The following PIK3AP1 variants were observed in gnomAD, a reference collection of about 807,000 sequenced individuals.
PIK3AP1 encodes the protein phosphoinositide-3-kinase adaptor protein 1, also known as phosphoinositide 3-kinase adapter protein 1.
A neutral mutation model predicts 88.1 loss-of-function variants in PIK3AP1; 21 were observed. The observed-to-expected ratio is 0.24, with a 90% CI of 0.17 to 0.34. PIK3AP1 has a LOEUF of 0.34. Among genes scored for constraint, PIK3AP1 ranks in the 10% least tolerant of loss-of-function variants. PIK3AP1 has a pLI of 1.00. For synonymous variants in PIK3AP1, 398 were observed against 400.0 expected (o/e 1.00, Z 0.06); for missense variants, 828 against 1,035.7 (o/e 0.80, Z 2.75).
intron 12 of PIK3AP1, chr10:96,619,581 T>C (rs1023749579): frequency 6.6e-6 from 1 of 152,256 alleles, no homozygotes; most frequent in Non-Finnish European, 1.5e-5. Context: ...TCCTTTTTAA[T>C]ACAAAGGCAT....
At chr10:96,718,698 A>G (rs1844534324) in intron 1 of PIK3AP1, among the ~76,000 whole-genome samples, 1 of 152,154 alleles carries the variant, frequency 6.6e-6, no homozygotes, top group Non-Finnish European at 1.5e-5. Context: ...AGGACGCTGG[A>G]AAAGAGGAAA....
At chr10:96,715,734 CA>C (rs376016766) in intron 1 of PIK3AP1, among the ~76,000 whole-genome samples, 2,749 of 151,842 alleles carry the variant, frequency 0.018, 70 homozygotes, top group African/African-American at 0.062. Context: ...ACTAAAAATA[CA>C]AAAAATTAGC....
Position 96,602,308 on chromosome 10 carries a change from T to TG in PIK3AP1, c.2331dup (p.Arg778GlnfsTer60). 1.2e-6 allele frequency: 2 copies of TG among 1,607,476 alleles called. No homozygotes were observed. Among genetic ancestry groups the TG allele is most frequent in the Non-Finnish European group, 1.7e-6 (2 of 1,177,698 alleles). On this transcript the variant is annotated frameshift_variant, in exon 16 of 17. Coordinates refer to ENST00000339364, the MANE Select transcript of PIK3AP1 (RefSeq NM_152309.3). LOFTEE classifies it high-confidence loss of function. ...TGTGAGGCAGCTCTCGGAGGCACCC[T>TG]GGGGGGTCTCTCGAGGGACATGGTG...
chr10:96,709,453 G>T, intron 2 of PIK3AP1, 114 bp downstream of exon 2: 2 of 1,296,532 alleles, frequency 1.5e-6, no homozygotes, highest in Non-Finnish European at 2.1e-6. Flanking sequence ...CCATAAATAT[G>T]ACCAGGTCTC....
intron 1 of PIK3AP1, among the ~76,000 whole-genome samples, chr10:96,719,516 T>C (rs1844544465): frequency 6.6e-6 from 1 of 152,208 alleles, no homozygotes; most frequent in South Asian, 2.1e-4. Flanking sequence ...TGCTTTCCTC[T>C]ACAGGACCAT....
intron 2 of PIK3AP1, among the ~76,000 whole-genome samples, chr10:96,657,637 C>G (rs1284862823): frequency 6.7e-6 from 1 of 149,894 alleles, no homozygotes; most frequent in Admixed American, 6.7e-5. Flanking sequence ...ATAGACCTAC[C>G]TCTGAGGTTG....
chr10:96,716,062 C>CT (rs1471945961), intron 1 of PIK3AP1, among the ~76,000 whole-genome samples: 1 of 152,152 alleles, frequency 6.6e-6, no homozygotes, highest in East Asian at 1.9e-4. Context: ...AGGCGGATCA[C>CT]TTGACGCCAG....
intron 6 of PIK3AP1, among the ~76,000 whole-genome samples, chr10:96,650,488 T>C (rs748036165): frequency 6.6e-6 from 1 of 152,136 alleles, no homozygotes; most frequent in Non-Finnish European, 1.5e-5. Context: ...AAACAACTAC[T>C]TGTTTAGAGC....
chr10:96,678,420 G>A (rs1843955084), intron 2 of PIK3AP1, among the ~76,000 whole-genome samples: 1 of 151,814 alleles, frequency 6.6e-6, no homozygotes, highest in Non-Finnish European at 1.5e-5. Context: ...GGGTGACAGA[G>A]TGAGATCCTG....
intron 7 of PIK3AP1, among the ~76,000 whole-genome samples, chr10:96,647,092 G>C (rs1399173820): frequency 1.3e-5 from 2 of 152,256 alleles, no homozygotes; most frequent in African/African-American, 4.8e-5. Context: ...CAAAGGGACA[G>C]TCTTTTGGTC....
chr10:96,661,865 G>T (rs550424410), intron 2 of PIK3AP1, among the ~76,000 whole-genome samples: 1 of 152,130 alleles, frequency 6.6e-6, no homozygotes, highest in East Asian at 1.9e-4. Context: ...AAAGGAAAGG[G>T]AAAGGAGAGG....
At chr10:96,607,736 T>C (rs964908670) in intron 14 of PIK3AP1, among the ~76,000 whole-genome samples, 1 of 152,130 alleles carries the variant, frequency 6.6e-6, no homozygotes, top group Non-Finnish European at 1.5e-5. Flanking sequence ...CCCCGGAGGA[T>C]GAGAGGTTTC....
At chr10:96,660,156 T>C (rs965284562) in intron 2 of PIK3AP1, among the ~76,000 whole-genome samples, 1 of 152,064 alleles carries the variant, frequency 6.6e-6, no homozygotes, top group Non-Finnish European at 1.5e-5. Context: ...GCGAAAGACA[T>C]TGTCAAAAGA....
intron 2 of PIK3AP1, among the ~76,000 whole-genome samples, chr10:96,707,021 C>G (rs1417513245): frequency 6.6e-6 from 1 of 152,212 alleles, no homozygotes; most frequent in Non-Finnish European, 1.5e-5. Context: ...GCAAAGATAT[C>G]CCACTAAGCA....
rs1371535129 is a variant in PIK3AP1, at chr10:96,598,742, T to C, written c.2361-3108A>G. ...GGAGGGCTTCACAGAGGAGGTGATGTTTGAACTGAGTCCTAAAGGATGTAT... is the reference window on the plus strand; with the variant it reads ...GGAGGGCTTCACAGAGGAGGTGATGCTTGAACTGAGTCCTAAAGGATGTAT... On this transcript the variant is annotated intron_variant, in intron 16 of 16. Coordinates refer to ENST00000339364, the MANE Select transcript of PIK3AP1 (RefSeq NM_152309.3). Among the ~76,000 whole-genome samples, 3 of 152,118 alleles carry C rather than the reference T, an allele frequency of 2.0e-5. No individual in the cohort carries two copies. The East Asian group carries it at 5.8e-4, about 29-fold the overall frequency.
chr10:96,652,739 G>C lies in PIK3AP1; in HGVS notation c.671C>G (p.Ala224Gly). The C allele has an allele frequency of 6.2e-7, 1 of 1,614,050 alleles. No individual in the cohort carries two copies. Among genetic ancestry groups the C allele is most frequent in the South Asian group, 1.1e-5 (1 of 91,078 alleles). The stretch of plus-strand genomic sequence containing the variant: ...AATGGTGTACTCATTCTCCACCTTG[G>C]CTTCCATCCTTACAGAGGGAGAATC... ...PEDSPSVRME[A>G]KVENEYTISV... The change falls in exon 4 of 17, where the codon GCC becomes GGC. Residue 224 changes from alanine to glycine, a missense_variant. Physicochemically the swap from Ala to Gly is moderately conservative, Grantham distance 60. This residue lies in a region of PIK3AP1 where 610 missense variants were observed against 760.1 expected (regional missense o/e 0.80). Transcript: ENST00000339364.
At chr10:96,713,955 C>G (rs1844470502) in intron 1 of PIK3AP1, among the ~76,000 whole-genome samples, 2 of 152,108 alleles carry the variant, frequency 1.3e-5, no homozygotes. Context: ...AGGCGGATCA[C>G]CTAAGGTCAG....
chr10:96,595,599 G>T lies in PIK3AP1; in HGVS notation c.2396C>A (p.Pro799His). The change falls in exon 17 of 17, where the codon CCT becomes CAT. Residue 799 changes from proline to histidine, a missense_variant. Pro to His is a moderately conservative substitution (Grantham distance 77). Transcript: ENST00000339364. ...GAATCAGCGTCCTCTGGGTGGAACA[G>T]GTGGAGGAGGATGGAAGGTCTCCCT... The part of the protein sequence containing the change: ...PTRETFHPPP[P>H]VPPRGR The T allele has an allele frequency of 6.2e-7, 1 of 1,613,400 alleles. No homozygotes were observed. The highest frequency in any genetic ancestry group is 1.1e-5 in the South Asian group (1 of 90,818).
intron 2 of PIK3AP1, among the ~76,000 whole-genome samples, chr10:96,705,887 T>G (rs79862361): frequency 3.9e-4 from 47 of 121,956 alleles, no homozygotes; most frequent in African/African-American, 1.3e-3. Context: ...GCCAGTTGTT[T>G]TTTTTTTTTT....
Sources: allele counts gnomAD v4.1 joint callset (sites outside exome capture counted in the v4.1 genomes callset), GRCh38; gene constraint gnomAD v4.1.1; regional missense constraint gnomAD v4.1.1; transcripts MANE v1.5; gene names NCBI Gene and HGNC (gene_info 2026-07-23, HGNC 2026-07-21).